Variants in DCC observed in about 807,000 individuals in gnomAD.
The protein encoded by DCC is DCC netrin 1 receptor.
DCC carries 58 observed loss-of-function variants against 172.5 expected under a neutral mutation model. That is an observed-to-expected ratio of 0.34 (90% CI 0.27 to 0.42). The LOEUF (loss-of-function observed/expected upper bound fraction) is 0.42, where lower values mean the gene tolerates loss of function less well. Among genes scored for constraint, DCC ranks in the 10% least tolerant of loss-of-function variants. The pLI is 1.00. For synonymous variants in DCC, 709 were observed against 644.5 expected, an observed-to-expected ratio of 1.10 and a Z score of -1.52; for missense variants, 1,740 against 1,791.0, an observed-to-expected ratio of 0.97 and a Z score of 0.51.
chr18:52,546,309 C>T (rs2032614896), intron 1 of DCC, among the ~76,000 whole-genome samples: 1 of 151,654 alleles, frequency 6.6e-6, no homozygotes, highest in Non-Finnish European at 1.5e-5. Context: ...ATGTGTAGAT[C>T]TGGAATTTGT....
intron 7 of DCC, among the ~76,000 whole-genome samples, chr18:53,142,469 A>G (rs547846060): frequency 6.6e-6 from 1 of 152,310 alleles, no homozygotes; most frequent in South Asian, 2.1e-4. Context: ...ATGCACTCCT[A>G]ATAGATAAAC....
At chr18:52,766,806 A>T (rs2037259754) in intron 2 of DCC, among the ~76,000 whole-genome samples, 1 of 151,998 alleles carries the variant, frequency 6.6e-6, no homozygotes, top group Admixed American at 6.6e-5. Context: ...TTCTCCTTTT[A>T]GGTGGTGATT....
At chr18:53,216,093 C>T (rs1464317023) in intron 12 of DCC, among the ~76,000 whole-genome samples, 18 of 152,158 alleles carry the variant, frequency 1.2e-4, no homozygotes, top group Non-Finnish European at 2.6e-4. Flanking sequence ...ATTTATGTAG[C>T]GATGTTACCT....
At chr18:53,157,962 C>A (rs1454169079) in intron 8 of DCC, among the ~76,000 whole-genome samples, 1 of 152,034 alleles carries the variant, frequency 6.6e-6, no homozygotes, top group Non-Finnish European at 1.5e-5. Flanking sequence ...TTAAAATATA[C>A]AATAAAGTGT....
chr18:53,346,308 C>T (rs554201957), intron 15 of DCC, among the ~76,000 whole-genome samples: 1 of 152,094 alleles, frequency 6.6e-6, no homozygotes, highest in Non-Finnish European at 1.5e-5. Context: ...GTGTTTTATG[C>T]TTATTAAATC....
intron 5 of DCC, among the ~76,000 whole-genome samples, chr18:53,025,566 C>T (rs1843304030): frequency 6.6e-6 from 1 of 152,042 alleles, no homozygotes; most frequent in East Asian, 1.9e-4. Context: ...TAATGCCAAT[C>T]CTTATTATAG....
intron 22 of DCC, among the ~76,000 whole-genome samples, chr18:53,446,831 C>G (rs1912640937): frequency 6.6e-6 from 1 of 152,064 alleles, no homozygotes; most frequent in South Asian, 2.1e-4. Flanking sequence ...ATGTTTCTGC[C>G]AATTTTTCCA....
chr18:52,559,253 A>G (rs1227910036), intron 1 of DCC, among the ~76,000 whole-genome samples: 1 of 152,152 alleles, frequency 6.6e-6, no homozygotes, highest in African/African-American at 2.4e-5. Context: ...CTGGGACTAC[A>G]GACATGTGCC....
At chr18:52,581,630 A>T (rs749283042) in intron 1 of DCC, among the ~76,000 whole-genome samples, 5 of 152,008 alleles carry the variant, frequency 3.3e-5, no homozygotes, top group African/African-American at 7.3e-5. Context: ...CCTCTTTCTT[A>T]CTACTGTTTA....
intron 1 of DCC, among the ~76,000 whole-genome samples, chr18:52,490,601 A>G (rs1197054636): frequency 6.6e-6 from 1 of 152,064 alleles, no homozygotes; most frequent in Non-Finnish European, 1.5e-5. Flanking sequence ...TTAGCTTTGT[A>G]TGTCACCAAA....
chr18:53,333,884 C>T (rs1410425963), intron 14 of DCC, among the ~76,000 whole-genome samples: 2 of 152,324 alleles, frequency 1.3e-5, no homozygotes, highest in South Asian at 2.1e-4. Flanking sequence ...CCCAGACTTA[C>T]ATACCCAACT....
intron 1 of DCC, among the ~76,000 whole-genome samples, chr18:52,670,353 G>A (rs1448369143): frequency 6.6e-6 from 1 of 152,146 alleles, no homozygotes; most frequent in Non-Finnish European, 1.5e-5. Context: ...AATGAAGATG[G>A]ACTTAAGTGA....
chr18:52,444,220 A>G (rs952395001), intron 1 of DCC, among the ~76,000 whole-genome samples: 1 of 152,182 alleles, frequency 6.6e-6, no homozygotes, highest in Non-Finnish European at 1.5e-5. Context: ...TGCAGAATTC[A>G]CCTCTAAAAT....
intron 2 of DCC, among the ~76,000 whole-genome samples, chr18:52,795,050 T>G (rs893473361): frequency 1.3e-5 from 2 of 152,012 alleles, no homozygotes; most frequent in Non-Finnish European, 2.9e-5. Flanking sequence ...TAAGGTTTTT[T>G]GCATCTGTAT....
chr18:52,948,097 A>T (rs1344480574), intron 5 of DCC, among the ~76,000 whole-genome samples: 1 of 152,180 alleles, frequency 6.6e-6, no homozygotes, highest in Non-Finnish European at 1.5e-5. Context: ...TTTTAAAGGG[A>T]GATAGTAACT....
rs148078221 is a variant in DCC, at chr18:53,172,106, A to G, written c.1419-6856A>G. 7.9e-3 allele frequency among the ~76,000 whole-genome samples: 1,207 copies of G among 152,272 alleles called. 16 individuals are homozygous for G. The highest frequency in any genetic ancestry group is 0.027 in the African/African-American group (1,124 of 41,558). ...CTCATATATTCTGGATAAAGAAAAT[A>G]TGGTGCATATACACCATGGAATACT... On this transcript the variant is annotated intron_variant, in intron 8 of 28. Transcript: ENST00000442544.
intron 1 of DCC, among the ~76,000 whole-genome samples, chr18:52,695,449 A>G (rs2035997705): frequency 2.0e-5 from 3 of 152,354 alleles, no homozygotes; most frequent in African/African-American, 7.2e-5. Context: ...ATGTCTTTGA[A>G]AAACCCTGAA....
intron 24 of DCC, among the ~76,000 whole-genome samples, chr18:53,461,785 T>C (rs1270761219): frequency 1.3e-5 from 2 of 152,192 alleles, no homozygotes; most frequent in African/African-American, 4.8e-5. Flanking sequence ...GTCACTCCAG[T>C]TATTGAAGGA....
intron 25 of DCC, among the ~76,000 whole-genome samples, chr18:53,479,877 A>G (rs1294947976): frequency 6.6e-6 from 1 of 152,166 alleles, no homozygotes; most frequent in Non-Finnish European, 1.5e-5. Context: ...AACATTTCCT[A>G]TCTCACACAA....
Sources: allele counts gnomAD v4.1 joint callset (sites outside exome capture counted in the v4.1 genomes callset), GRCh38; gene constraint gnomAD v4.1.1; transcripts MANE v1.5; gene names NCBI Gene and HGNC (gene_info 2026-07-23, HGNC 2026-07-21).